The following NDUFAF2 variants were observed in gnomAD, a reference collection of about 807,000 sequenced individuals.
The protein encoded by NDUFAF2 is NADH:ubiquinone oxidoreductase complex assembly factor 2.
Under a neutral mutation model 22.8 loss-of-function variants are expected in NDUFAF2, and 13 were observed. The observed-to-expected ratio is 0.57, with a 90% CI of 0.37 to 0.91. The LOEUF (loss-of-function observed/expected upper bound fraction) is 0.91, where lower values mean the gene tolerates loss of function less well. NDUFAF2 is among the 40% of genes least tolerant of loss of function. The pLI is 0.01. For synonymous variants in NDUFAF2, 53 were observed against 64.2 expected, an observed-to-expected ratio of 0.83 and a Z score of 0.84; for missense variants, 162 against 195.2, an observed-to-expected ratio of 0.83 and a Z score of 1.01.
chr5:60,953,021 G>A lies in NDUFAF2; in HGVS notation c.127+7639G>A, dbSNP rs187266676. On this transcript the variant is annotated intron_variant, in intron 1 of 3. Coordinates refer to ENST00000296597, the MANE Select transcript of NDUFAF2 (RefSeq NM_174889.5). ...TAATATATGTAATTGGATACCATGA[G>A]GGGTAAAGGTCATTTTGCAGGTCAA... is the stretch of plus-strand genomic sequence containing the variant. Among the ~76,000 whole-genome samples the A allele has an allele frequency of 3.3e-3, 499 of 152,214 alleles. 2 individuals are homozygous for A. Among genetic ancestry groups the A allele is most frequent in the African/African-American group, 0.012 (481 of 41,526 alleles).
At chr5:61,096,228 T>C (rs1752637678) in intron 2 of NDUFAF2, among the ~76,000 whole-genome samples, 1 of 152,182 alleles carries the variant, frequency 6.6e-6, no homozygotes, top group South Asian at 2.1e-4. Flanking sequence ...GAGTAGGTAC[T>C]TAAAATGACA....
chr5:61,072,015 A>AT (rs536755869), intron 1 of NDUFAF2, among the ~76,000 whole-genome samples: 1 of 152,210 alleles, frequency 6.6e-6, no homozygotes, highest in Non-Finnish European at 1.5e-5. Flanking sequence ...AGGCATTCTC[A>AT]TTCCATTCTT....
chr5:60,953,466 C>G (rs1750574563), intron 1 of NDUFAF2, among the ~76,000 whole-genome samples: 1 of 152,152 alleles, frequency 6.6e-6, no homozygotes, highest in African/African-American at 2.4e-5. Context: ...TCCCTTTCCT[C>G]TTCCCTCTAC....
intron 1 of NDUFAF2, among the ~76,000 whole-genome samples, chr5:60,987,252 C>G (rs79180135): frequency 6.6e-6 from 1 of 152,104 alleles, no homozygotes; most frequent in Non-Finnish European, 1.5e-5. Flanking sequence ...CTGAACAGAC[C>G]GATAATGAGC....
At chr5:61,033,003 A>G (rs1231776418) in intron 1 of NDUFAF2, among the ~76,000 whole-genome samples, 2 of 151,994 alleles carry the variant, frequency 1.3e-5, no homozygotes, top group Non-Finnish European at 2.9e-5. Flanking sequence ...CAGGATGGCC[A>G]TTTTCATGAT....
intron 1 of NDUFAF2, among the ~76,000 whole-genome samples, chr5:60,950,116 G>T (rs1233358305): frequency 6.6e-6 from 1 of 152,074 alleles, no homozygotes; most frequent in Non-Finnish European, 1.5e-5. Flanking sequence ...CCAGTATAAT[G>T]TTGAATAAGA....
At chr5:60,999,956 T>C (rs1561538489) in intron 1 of NDUFAF2, among the ~76,000 whole-genome samples, 1 of 152,106 alleles carries the variant, frequency 6.6e-6, no homozygotes, top group Non-Finnish European at 1.5e-5. Flanking sequence ...AAACTAACAA[T>C]GTTTAGAATT....
At chr5:60,961,945 A>C (rs1750692264) in intron 1 of NDUFAF2, among the ~76,000 whole-genome samples, 1 of 151,742 alleles carries the variant, frequency 6.6e-6, no homozygotes, top group Non-Finnish European at 1.5e-5. Flanking sequence ...TGAGTGACAC[A>C]GCAAGACTCT....
intron 1 of NDUFAF2, among the ~76,000 whole-genome samples, chr5:61,067,226 G>A: frequency 6.6e-6 from 1 of 151,938 alleles, no homozygotes; most frequent in Admixed American, 6.6e-5. Context: ...TGTTACATAT[G>A]TATACATGTG....
In NDUFAF2 at chr5:61,037,242, A is replaced by G. The variant is rs186220474; in HGVS notation, c.128-35883A>G. 1.2e-4 allele frequency among the ~76,000 whole-genome samples: 19 copies of G among 152,326 alleles called. No homozygotes were observed. In the South Asian group the frequency reaches 3.7e-3, roughly 30 times the overall value. ...TATCATTCAAAAAAAGAAGAGATTC[A>G]TATGCACACAAATTGTTAGGGAAGG... On this transcript the variant is annotated intron_variant, in intron 1 of 3. Coordinates refer to ENST00000296597, the MANE Select transcript of NDUFAF2 (RefSeq NM_174889.5).
At chr5:61,037,688 C>T (rs1580106762) in intron 1 of NDUFAF2, among the ~76,000 whole-genome samples, 2 of 152,278 alleles carry the variant, frequency 1.3e-5, no homozygotes, top group South Asian at 2.1e-4. Flanking sequence ...AACCCATCCC[C>T]TTTCCCCTAC....
At chr5:61,094,626 T>C (rs1013057954) in intron 2 of NDUFAF2, among the ~76,000 whole-genome samples, 3 of 152,254 alleles carry the variant, frequency 2.0e-5, no homozygotes, top group Non-Finnish European at 2.9e-5. Flanking sequence ...TGTGGACTTA[T>C]CTACCTTTGA....
intron 1 of NDUFAF2, among the ~76,000 whole-genome samples, chr5:61,020,575 A>G (rs1161776519): frequency 7.2e-6 from 1 of 138,050 alleles, no homozygotes; most frequent in Admixed American, 7.2e-5. Flanking sequence ...GTGTGTGTGT[A>G]CACATGCACG....
intron 1 of NDUFAF2, among the ~76,000 whole-genome samples, chr5:61,068,466 A>C (rs1018065136): frequency 6.6e-6 from 1 of 152,120 alleles, no homozygotes; most frequent in Non-Finnish European, 1.5e-5. Context: ...TGTGGTAGGA[A>C]AAAGGATATA....
chr5:61,122,749 A>G (rs1304847982), intron 3 of NDUFAF2, among the ~76,000 whole-genome samples: 1 of 152,190 alleles, frequency 6.6e-6, no homozygotes, highest in Non-Finnish European at 1.5e-5. Context: ...AAAAGAGACA[A>G]GCATATAAAA....
chr5:60,951,984 T>G lies in NDUFAF2; in HGVS notation c.127+6602T>G, dbSNP rs1315984789. Among the ~76,000 whole-genome samples the G allele has an allele frequency of 6.0e-5, 9 of 151,170 alleles. No homozygotes were observed. The Admixed American group carries it at 6.0e-4, about 10-fold the overall frequency. Reference sequence around the variant, plus strand: ...TCTTTTGAGTAGTTTGCCCTTTTTATCTAGTATGTTGAATTTACAGTCATA... The same window carrying G: ...TCTTTTGAGTAGTTTGCCCTTTTTAGCTAGTATGTTGAATTTACAGTCATA... On this transcript the variant is annotated intron_variant, in intron 1 of 3. Coordinates refer to ENST00000296597, the MANE Select transcript of NDUFAF2 (RefSeq NM_174889.5).
chr5:61,024,497 T>G lies in NDUFAF2; in HGVS notation c.128-48628T>G, dbSNP rs1346731120. On this transcript the variant is annotated intron_variant, in intron 1 of 3. Coordinates refer to ENST00000296597, the MANE Select transcript of NDUFAF2 (RefSeq NM_174889.5). ...ATGATAATAATAATAGTAATAATAA[T>G]AGCTTCAAATAATTATAAGACACGT... Among the ~76,000 whole-genome samples, 7 of 152,036 alleles carry G rather than the reference T, an allele frequency of 4.6e-5. No homozygotes were observed. In the East Asian group the frequency reaches 1.3e-3, roughly 29 times the overall value.
chr5:61,087,692 A>G (rs887403158), intron 2 of NDUFAF2, among the ~76,000 whole-genome samples: 2 of 152,152 alleles, frequency 1.3e-5, no homozygotes, highest in Non-Finnish European at 2.9e-5. Context: ...AAGTCCAAAC[A>G]AATTCTTGTA....
intron 1 of NDUFAF2, among the ~76,000 whole-genome samples, chr5:61,072,154 G>A (rs1195884206): frequency 6.6e-6 from 1 of 152,098 alleles, no homozygotes; most frequent in East Asian, 1.9e-4. Flanking sequence ...AAGATCAAAG[G>A]GAGACAAAAC....
Sources: allele counts gnomAD v4.1 joint callset (sites outside exome capture counted in the v4.1 genomes callset), GRCh38; gene constraint gnomAD v4.1.1; transcripts MANE v1.5; gene names NCBI Gene and HGNC (gene_info 2026-07-23, HGNC 2026-07-21).